The following PARM1 variants were observed in gnomAD, a reference collection of about 807,000 sequenced individuals.
PARM1 encodes the protein WSC4, cell wall integrity and stress response component 4 homolog.
In PARM1, 14 loss-of-function variants were observed where a neutral mutation model predicts 24.6. The ratio of observed to expected loss-of-function variants is 0.57; its 90% confidence interval spans 0.38 to 0.89. The LOEUF is 0.89. PARM1 is among the 40% of genes least tolerant of loss of function. PARM1 has a pLI of 0.00. For missense variants in PARM1, 362 were observed against 380.4 expected (o/e 0.95, Z 0.40); for synonymous variants, 179 against 156.6 (o/e 1.14, Z -1.07).
chr4:74,943,231 C>T (rs1721348879), intron 1 of PARM1, among the ~76,000 whole-genome samples: 1 of 152,186 alleles, frequency 6.6e-6, no homozygotes, highest in Non-Finnish European at 1.5e-5. Flanking sequence ...CTTCCTCCAT[C>T]CCTCCTTACC....
chr4:75,041,222 A>T (rs1209429599), intron 3 of PARM1, among the ~76,000 whole-genome samples: 1 of 152,196 alleles, frequency 6.6e-6, no homozygotes, highest in Non-Finnish European at 1.5e-5. Flanking sequence ...AGGAAATGAT[A>T]ATCAGAAAAA....
intron 1 of PARM1, among the ~76,000 whole-genome samples, chr4:74,992,567 T>A (rs1005497857): frequency 1.3e-5 from 2 of 151,972 alleles, no homozygotes; most frequent in African/African-American, 4.8e-5. Flanking sequence ...TTAAGGCCAA[T>A]GGGGCAGGAG....
Position 75,037,863 on chromosome 4 carries a change from T to G in PARM1, c.848+3902T>G, listed in dbSNP as rs188317203. Among the ~76,000 whole-genome samples, 4 of 152,332 alleles carry G rather than the reference T, an allele frequency of 2.6e-5. No individual in the cohort carries two copies. In the East Asian group the frequency reaches 7.7e-4, roughly 29 times the overall value. On this transcript the variant is annotated intron_variant, in intron 3 of 3. Transcript: ENST00000307428. ...TTGTTTTAAAGACGAAATGAAGTAATGAATGCAGAGTAACTGGAGAGACTA... is the reference window on the plus strand; with the variant it reads ...TTGTTTTAAAGACGAAATGAAGTAAGGAATGCAGAGTAACTGGAGAGACTA...
intron 1 of PARM1, among the ~76,000 whole-genome samples, chr4:74,970,991 A>G (rs1040458352): frequency 2.6e-5 from 4 of 152,220 alleles, no homozygotes; most frequent in Admixed American, 2.0e-4. Context: ...CTGCATGAGC[A>G]TAGTGGGGAA....
rs540492803 is a variant in PARM1, at chr4:75,014,554, G to GAC, written c.769+1408_769+1409dup. Among the ~76,000 whole-genome samples the GAC allele has an allele frequency of 1.1e-3, 174 of 152,218 alleles. 1 individual carries two copies. Among genetic ancestry groups the GAC allele is most frequent in the African/African-American group, 4.0e-3 (165 of 41,516 alleles). On this transcript the variant is annotated intron_variant, in intron 2 of 3. Coordinates refer to ENST00000307428, the MANE Select transcript of PARM1 (RefSeq NM_015393.4). Reference sequence around the variant, plus strand: ...CAGGAGCAGTGACTCTTGGCTGAGGGACACAACAATCTCAAGGTTAACCTC... The same window carrying GAC: ...CAGGAGCAGTGACTCTTGGCTGAGGGACACACAACAATCTCAAGGTTAACCTC...
intron 1 of PARM1, among the ~76,000 whole-genome samples, chr4:74,999,685 A>T (rs1342139381): frequency 6.6e-6 from 1 of 152,220 alleles, no homozygotes; most frequent in Non-Finnish European, 1.5e-5. Flanking sequence ...TAAACTAAGC[A>T]ACGCATAAAA....
chr4:75,024,881 T>C lies in PARM1; in HGVS notation c.770-9002T>C, dbSNP rs370042378. 6.6e-5 allele frequency among the ~76,000 whole-genome samples: 10 copies of C among 152,260 alleles called. No homozygotes were observed. In the East Asian group the frequency reaches 1.7e-3, roughly 26 times the overall value. ...GCCCCGCTAATTATTGTATTTTTAG[T>C]ACAAAGTTTCACCATGTTGGCCAGG... On this transcript the variant is annotated intron_variant, in intron 2 of 3. Transcript: ENST00000307428.
intron 1 of PARM1, among the ~76,000 whole-genome samples, chr4:75,008,148 C>G (rs975346249): frequency 6.6e-6 from 1 of 152,166 alleles, no homozygotes; most frequent in African/African-American, 2.4e-5. Context: ...AATGTACCAT[C>G]AAATAAGGCA....
intron 1 of PARM1, among the ~76,000 whole-genome samples, chr4:74,943,241 C>A (rs1721349002): frequency 6.6e-6 from 1 of 152,134 alleles, no homozygotes; most frequent in Non-Finnish European, 1.5e-5. Context: ...CCCTCCTTAC[C>A]CCTCACTAAA....
chr4:74,971,185 G>A (rs1722027781), intron 1 of PARM1, among the ~76,000 whole-genome samples: 1 of 152,176 alleles, frequency 6.6e-6, no homozygotes, highest in South Asian at 2.1e-4. Context: ...ACATGGCTAG[G>A]GAGGCCTCAC....
intron 1 of PARM1, among the ~76,000 whole-genome samples, chr4:74,974,388 T>A (rs1186027379): frequency 6.6e-6 from 1 of 152,174 alleles, no homozygotes. Flanking sequence ...CCTAGGAGGA[T>A]GGGCCACTGG....
chr4:75,029,125 GGA>G (rs1723232975), intron 2 of PARM1, among the ~76,000 whole-genome samples: 1 of 152,120 alleles, frequency 6.6e-6, no homozygotes, highest in Non-Finnish European at 1.5e-5. Context: ...GTGAGTGTGG[GGA>G]GAGAGACTCT....
At chr4:74,984,490 G>A (rs978154031) in intron 1 of PARM1, among the ~76,000 whole-genome samples, 1 of 152,206 alleles carries the variant, frequency 6.6e-6, no homozygotes, top group Non-Finnish European at 1.5e-5. Flanking sequence ...GACATAAGGA[G>A]TTGTCCTGTT....
intron 1 of PARM1, among the ~76,000 whole-genome samples, chr4:74,975,868 A>G (rs1298078391): frequency 6.6e-6 from 1 of 152,204 alleles, no homozygotes; most frequent in Non-Finnish European, 1.5e-5. Context: ...GAAAATGGCA[A>G]GTAAATCCTA....
intron 1 of PARM1, among the ~76,000 whole-genome samples, chr4:74,940,432 G>C (rs976972282): frequency 3.9e-5 from 6 of 152,192 alleles, no homozygotes; most frequent in African/African-American, 1.4e-4. Flanking sequence ...GGCATCTGCA[G>C]GTTCTGCGTC....
chr4:74,965,109 T>C (rs953266312), intron 1 of PARM1: 1 of 152,222 alleles, frequency 6.6e-6, no homozygotes, highest in Non-Finnish European at 1.5e-5. Flanking sequence ...GACAGTTTGC[T>C]TCAACCTTCC....
At chr4:75,007,567 T>G (rs1421874834) in intron 1 of PARM1, among the ~76,000 whole-genome samples, 1 of 152,170 alleles carries the variant, frequency 6.6e-6, no homozygotes, top group Non-Finnish European at 1.5e-5. Flanking sequence ...AACTCACTCA[T>G]TATTTAGGCC....
intron 2 of PARM1, among the ~76,000 whole-genome samples, chr4:75,024,174 A>T (rs1478283358): frequency 1.3e-5 from 2 of 151,962 alleles, no homozygotes; most frequent in Non-Finnish European, 2.9e-5. Flanking sequence ...CCGGAGGCTG[A>T]GGCAGGAGAA....
intron 2 of PARM1, among the ~76,000 whole-genome samples, chr4:75,030,847 C>T (rs983558668): frequency 6.6e-6 from 1 of 152,176 alleles, no homozygotes; most frequent in Non-Finnish European, 1.5e-5. Flanking sequence ...TGCCCCCCAG[C>T]CACACCTTCC....
Sources: allele counts gnomAD v4.1 joint callset (sites outside exome capture counted in the v4.1 genomes callset), GRCh38; gene constraint gnomAD v4.1.1; transcripts MANE v1.5; gene names NCBI Gene and HGNC (gene_info 2026-07-23, HGNC 2026-07-21).